Variants in TMEM68 observed in about 807,000 individuals in gnomAD.
TMEM68 encodes the protein DGAT1/2-independent enzyme synthesizing storage lipids.
In TMEM68, 25 loss-of-function variants were observed where a neutral mutation model predicts 36.9. That is an observed-to-expected ratio of 0.68 (90% CI 0.49 to 0.95). TMEM68 has a LOEUF of 0.95. TMEM68 is among the 40% of genes least tolerant of loss of function. The probability of loss-of-function intolerance (pLI) is 0.00; values close to 1 mark genes in which losing one functional copy is unlikely to be tolerated. For synonymous variants in TMEM68, 131 were observed against 124.4 expected (o/e 1.05, Z -0.35); for missense variants, 333 against 392.0 (o/e 0.85, Z 1.27).
chr8:55,759,257 CAA>C lies in TMEM68; in HGVS notation c.326-2848_326-2847del, dbSNP rs66513921. ...CAAATCAGTGAAATCCCTGTCTCTA[CAA>C]AAAAAAAAAAAAAAAATTAAGTAAA... On this transcript the variant is annotated intron_variant, in intron 3 of 7. Transcript: ENST00000434581. Among the ~76,000 whole-genome samples, 279 of 121,896 alleles carry C rather than the reference CAA, an allele frequency of 2.3e-3. 2 individuals are homozygous for C. Among genetic ancestry groups the C allele is most frequent in the African/African-American group, 6.3e-3 (195 of 31,008 alleles). The allele number at this position is 121,896 out of a possible 152,430, so 80.0% of individuals were successfully genotyped here. A position where few individuals can be genotyped will look rare whatever the true frequency, so the allele number is the denominator to read the frequency against.
chr8:55,768,256 A>G (rs1250116189), intron 1 of TMEM68, among the ~76,000 whole-genome samples: 1 of 152,158 alleles, frequency 6.6e-6, no homozygotes, highest in Non-Finnish European at 1.5e-5. Flanking sequence ...TTTGGACAGG[A>G]GAGGACAGAA....
intron 7 of TMEM68, among the ~76,000 whole-genome samples, chr8:55,742,625 G>T (rs943949531): frequency 1.3e-5 from 2 of 151,984 alleles, no homozygotes; most frequent in East Asian, 3.9e-4. Flanking sequence ...CTGTAACCTT[G>T]ACCTCCTGGC....
In TMEM68 at chr8:55,745,063, G is replaced by T. The variant is rs1407509594; in HGVS notation, c.746C>A (p.Thr249Lys). Residue 249 changes from threonine to lysine, a missense_variant and splice_region_variant, in exon 6 of 8, where the codon ACA (threonine) becomes AAA (lysine). Thr to Lys is a moderately conservative substitution (Grantham distance 78). Coordinates refer to ENST00000434581, the MANE Select transcript of TMEM68 (RefSeq NM_001286657.2). ...IREGFRSLGG[T>K]RLFRWLYEKF... is the part of the protein sequence containing the mutation. ...AAACCATACAAATCAGAACTTACTTGTTCCTCCAAGTGATCTAAATCCTTC... is the reference window on the plus strand; with the variant it reads ...AAACCATACAAATCAGAACTTACTTTTTCCTCCAAGTGATCTAAATCCTTC... The T allele has an allele frequency of 2.7e-6, 4 of 1,490,604 alleles. No homozygotes were observed. 92.3% of individuals were successfully genotyped at this position (1,490,604 alleles called of 1,614,324 possible). A position where few individuals can be genotyped will look rare whatever the true frequency, so the allele number is the denominator to read the frequency against.
intron 1 of TMEM68, among the ~76,000 whole-genome samples, chr8:55,768,449 T>C (rs1811043558): frequency 6.6e-6 from 1 of 152,084 alleles, no homozygotes; most frequent in Non-Finnish European, 1.5e-5. Context: ...GCATGGTAAC[T>C]CACACCTGTA....
At chr8:55,747,680 C>T (rs1181085530) in intron 5 of TMEM68, 1 of 152,000 alleles carries the variant, frequency 6.6e-6, no homozygotes, top group South Asian at 2.1e-4. Flanking sequence ...TACTCAGACA[C>T]TGAATTCTTC....
At chr8:55,746,317 CAAAAAAAAAAAAAAA>C (rs376241142) in intron 5 of TMEM68, 1 of 57,184 alleles carries the variant, frequency 1.7e-5, no homozygotes, top group Non-Finnish European at 2.8e-5. Context: ...CACTGTCTCC[CAAAAAAAAAAAAAAA>C]AAAAAAAAAG....
intron 4 of TMEM68, among the ~76,000 whole-genome samples, chr8:55,754,368 G>A (rs1162960276): frequency 6.7e-6 from 1 of 148,356 alleles, no homozygotes; most frequent in African/African-American, 2.5e-5. Context: ...GCTGAGGTAC[G>A]AGAATCAGAG....
intron 5 of TMEM68, chr8:55,746,512 T>TA (rs1029452874): frequency 1.3e-5 from 2 of 151,940 alleles, no homozygotes; most frequent in Admixed American, 6.6e-5. Context: ...CTAAAATAGA[T>TA]AAAAAATTGA....
In TMEM68 at chr8:55,740,137, G is replaced by A. The variant is rs1168622673; in HGVS notation, c.970C>T (p.His324Tyr). ...TTCTAGTTGACCCTTTGTTATCAAT[G>A]AAAACGTTCTAACAAAGCACTCATA... Reference protein sequence around the residue: ...NIMSALLERFH With the variant: ...NIMSALLERFY Residue 324 changes from histidine to tyrosine, a missense_variant, in exon 8 of 8, where the codon CAT (histidine) becomes TAT (tyrosine). Physicochemically the swap from His to Tyr is moderately conservative, Grantham distance 83. Coordinates refer to ENST00000434581, the MANE Select transcript of TMEM68 (RefSeq NM_001286657.2). 1.2e-6 allele frequency: 2 copies of A among 1,611,848 alleles called. No individual in the cohort carries two copies. The highest frequency in any genetic ancestry group is 8.5e-7 in the Non-Finnish European group (1 of 1,178,896).
chr8:55,772,013 C>T (rs1811188375), intron 1 of TMEM68, among the ~76,000 whole-genome samples: 1 of 152,104 alleles, frequency 6.6e-6, no homozygotes, highest in Non-Finnish European at 1.5e-5. Flanking sequence ...AAATCTTCCA[C>T]TCTGTTTCAT....
At position 55,739,499 on chromosome 8, in the gene TMEM68, A is replaced by G. The variant is rs1175272784; in HGVS notation, c.*633T>C. On this transcript the variant is annotated 3_prime_UTR_variant, in exon 8 of 8. Transcript: ENST00000434581. ...GGCAACTGGACATGACATAATTTAA[A>G]CACACAATGGAGAAAATATATACAT... The G allele has an allele frequency of 2.6e-5, 4 of 152,680 alleles. No homozygotes were observed. Among genetic ancestry groups the G allele is most frequent in the Non-Finnish European group, 5.9e-5 (4 of 68,052 alleles). 9.5% of individuals were successfully genotyped at this position (152,680 alleles called of 1,614,324 possible).
rs1810417663 is a variant in TMEM68, at chr8:55,751,096, T to C, written c.555A>G (p.Glu185=). The C allele has an allele frequency of 6.2e-7, 1 of 1,613,860 alleles. No individual in the cohort carries two copies. The highest frequency in any genetic ancestry group is 8.5e-7 in the Non-Finnish European group (1 of 1,179,990). ...CTAACAAGTGGCCACTCCTCAGAATTTCAACACATTTTTCTCTTGGTCCAT... is the reference window on the plus strand; with the variant it reads ...CTAACAAGTGGCCACTCCTCAGAATCTCAACACATTTTTCTCTTGGTCCAT... ...ALHGPREKCV[E]ILRSGHLLAI... Residue 185 remains glutamate, a synonymous_variant, in exon 5 of 8, where the codon GAA becomes GAG. Coordinates refer to ENST00000434581, the MANE Select transcript of TMEM68 (RefSeq NM_001286657.2).
At chr8:55,762,411 T>C in intron 3 of TMEM68, 3 of 675,792 alleles carry the variant, frequency 4.4e-6, no homozygotes, top group Non-Finnish European at 4.8e-6. Flanking sequence ...TAGTCTACAG[T>C]GCTGCGTGGT....
chr8:55,773,092 C>G (rs560957769), intron 1 of TMEM68, 177 bp downstream of exon 1: 1 of 152,504 alleles, frequency 6.6e-6, no homozygotes, highest in East Asian at 1.9e-4. Flanking sequence ...CTGAGGCCGG[C>G]GGGAAGCCGA....
chr8:55,754,482 C>T (rs1563431889), intron 4 of TMEM68, among the ~76,000 whole-genome samples: 3 of 141,280 alleles, frequency 2.1e-5, no homozygotes, highest in African/African-American at 7.9e-5. Context: ...CACACACACA[C>T]ACACACACAC....
chr8:55,744,708 A>G (rs2129913682), intron 6 of TMEM68, among the ~76,000 whole-genome samples: 1 of 152,300 alleles, frequency 6.6e-6, no homozygotes, highest in African/African-American at 2.4e-5. Flanking sequence ...ATTTTCATCC[A>G]TTTTTAAAGC....
At chr8:55,748,505 A>C (rs4737416) in intron 5 of TMEM68, among the ~76,000 whole-genome samples, 26,239 of 150,222 alleles carry the variant, frequency 0.17, 2,667 homozygotes, top group East Asian at 0.3. Flanking sequence ...TTACATATAT[A>C]AATGTGTGTC....
chr8:55,748,576 A>T (rs377766879), intron 5 of TMEM68, among the ~76,000 whole-genome samples: 1 of 146,354 alleles, frequency 6.8e-6, no homozygotes, highest in Non-Finnish European at 1.5e-5. Context: ...GGAGGGAGGA[A>T]GGGGGGGAGA....
intron 5 of TMEM68, among the ~76,000 whole-genome samples, chr8:55,749,107 T>C (rs1024729540): frequency 6.6e-6 from 1 of 152,232 alleles, no homozygotes; most frequent in Non-Finnish European, 1.5e-5. Flanking sequence ...TTTTCTTTTA[T>C]ATCTGCTATT....
Sources: allele counts gnomAD v4.1 joint callset (sites outside exome capture counted in the v4.1 genomes callset), GRCh38; gene constraint gnomAD v4.1.1; transcripts MANE v1.5; gene names NCBI Gene and HGNC (gene_info 2026-07-23, HGNC 2026-07-21).